Variants in GAP43 observed in about 807,000 individuals in gnomAD.
GAP43 encodes growth associated protein 43, also known as neuromodulin.
In GAP43, 6 loss-of-function variants were observed where a neutral mutation model predicts 18.6. The observed-to-expected ratio is 0.32, with a 90% CI of 0.18 to 0.64. The LOEUF is 0.64. Ranked by LOEUF, GAP43 falls within the 30% of genes least tolerant of loss-of-function variation. GAP43 has a pLI of 0.78. For missense variants in GAP43, 292 were observed against 295.5 expected, an observed-to-expected ratio of 0.99 and a Z score of 0.09; for synonymous variants, 115 against 111.4, an observed-to-expected ratio of 1.03 and a Z score of -0.20.
rs982853473 is a variant in GAP43 at position 115,634,766 on chromosome 3, T to C, written c.30+11047T>C. Among the ~76,000 whole-genome samples the C allele has an allele frequency of 2.0e-5, 3 of 151,954 alleles. No homozygotes were observed. In the South Asian group the frequency reaches 6.2e-4, roughly 32 times the overall value. ...GCCTGGGTGACAGAGCGAGACTCTG[T>C]CTCAAAATAAATAAATAAATAAATA... On this transcript the variant is annotated intron_variant, in intron 1 of 2. Transcript: ENST00000305124.
intron 1 of GAP43, among the ~76,000 whole-genome samples, chr3:115,641,258 T>A (rs1430451014): frequency 6.6e-6 from 1 of 151,774 alleles, no homozygotes; most frequent in Non-Finnish European, 1.5e-5. Flanking sequence ...TTTTAAACAT[T>A]TCCTCATTCC....
intron 1 of GAP43, among the ~76,000 whole-genome samples, chr3:115,629,502 C>T (rs185511684): frequency 2.0e-5 from 3 of 151,706 alleles, no homozygotes; most frequent in African/African-American, 4.8e-5. Flanking sequence ...ACCCTTCCCT[C>T]TCAGCCTGAA....
chr3:115,631,311 G>C (rs1421574548), intron 1 of GAP43, among the ~76,000 whole-genome samples: 1 of 152,080 alleles, frequency 6.6e-6, no homozygotes, highest in Non-Finnish European at 1.5e-5. Context: ...ATGTGATGTT[G>C]GGTAAGTAAT....
intron 1 of GAP43, among the ~76,000 whole-genome samples, chr3:115,635,058 T>G (rs541195235): frequency 6.6e-6 from 1 of 152,224 alleles, no homozygotes; most frequent in Admixed American, 6.5e-5. Flanking sequence ...AAACACCAAT[T>G]CTTTCTTTAG....
At chr3:115,649,728 C>CTACTCAG (rs1559791928) in intron 1 of GAP43, among the ~76,000 whole-genome samples, 2 of 150,512 alleles carry the variant, frequency 1.3e-5, no homozygotes, top group African/African-American at 4.9e-5. Context: ...TTAATCCCAG[C>CTACTCAG]TACTCAGTAG....
chr3:115,635,921 C>A (rs1295598876), intron 1 of GAP43, among the ~76,000 whole-genome samples: 1 of 152,068 alleles, frequency 6.6e-6, no homozygotes, highest in African/African-American at 2.4e-5. Context: ...GGTTTTCCTG[C>A]AAGCTTCTAC....
At chr3:115,642,135 A>T (rs1004010611) in intron 1 of GAP43, among the ~76,000 whole-genome samples, 2 of 152,110 alleles carry the variant, frequency 1.3e-5, no homozygotes, top group African/African-American at 4.8e-5. Context: ...TTCTAGATGT[A>T]TATATGCCTA....
chr3:115,693,741 CAT>C (rs1184312834), intron 2 of GAP43, among the ~76,000 whole-genome samples: 1 of 121,426 alleles, frequency 8.2e-6, no homozygotes, highest in Non-Finnish European at 1.6e-5. Context: ...TGTGAAGTCT[CAT>C]GTGTGCAAAT....
At chr3:115,711,233 T>G (rs1413662458) in intron 2 of GAP43, among the ~76,000 whole-genome samples, 2 of 151,988 alleles carry the variant, frequency 1.3e-5, no homozygotes, top group Non-Finnish European at 2.9e-5. Context: ...CGGTCATATG[T>G]GTGTGTGTGT....
Position 115,676,591 on chromosome 3 carries a change from C to A in GAP43, c.609C>A (p.Ser203Arg). The A allele has an allele frequency of 6.2e-7, 1 of 1,604,578 alleles. No individual in the cohort carries two copies. The highest frequency in any genetic ancestry group is 8.5e-7 in the Non-Finnish European group (1 of 1,177,436). The change falls in exon 2 of 3, where the codon AGC becomes AGA. Residue 203 changes from serine (S) to arginine (R), a missense_variant. Coordinates refer to ENST00000305124, the MANE Select transcript of GAP43 (RefSeq NM_002045.4). ...CTCCAACGGAGACTGGGGAGAGCAG[C>A]CAAGCTGAAGAGAACATAGGTGAGC... Reference protein sequence around the residue: ...AQPPTETGESSQAEENIEAVD... With the variant: ...AQPPTETGESRQAEENIEAVD...
chr3:115,650,494 C>T (rs922630870), intron 1 of GAP43, among the ~76,000 whole-genome samples: 2 of 151,976 alleles, frequency 1.3e-5, no homozygotes, highest in African/African-American at 4.8e-5. Context: ...TCTGTGAGCC[C>T]CCTTTCTTTT....
chr3:115,649,822 A>AAAG (rs1553720860), intron 1 of GAP43, among the ~76,000 whole-genome samples: 152 of 137,202 alleles, frequency 1.1e-3, no homozygotes, highest in South Asian at 2.1e-3. Context: ...AAAAAAAAAA[A>AAAG]AAAGAAAGAA....
intron 1 of GAP43, among the ~76,000 whole-genome samples, chr3:115,632,476 G>A (rs938526993): frequency 2.6e-5 from 4 of 152,094 alleles, no homozygotes; most frequent in Non-Finnish European, 5.9e-5. Flanking sequence ...GAGCCCTCAA[G>A]ATCTCCACAA....
chr3:115,676,446 A>C lies in GAP43; in HGVS notation c.464A>C (p.Lys155Thr), dbSNP rs997941493. The change falls in exon 2 of 3, where the codon AAG (lysine) becomes ACG (threonine). Residue 155 changes from lysine to threonine, a missense_variant. Physicochemically the swap from Lys to Thr is moderately conservative, Grantham distance 78. Coordinates refer to ENST00000305124, the MANE Select transcript of GAP43 (RefSeq NM_002045.4). Reference sequence around the variant, plus strand: ...TCCACTGATAACTCGCCGTCCTCCAAGGCTGAAGATGCCCCAGCCAAGGAG... The same window carrying C: ...TCCACTGATAACTCGCCGTCCTCCACGGCTGAAGATGCCCCAGCCAAGGAG... ...KASTDNSPSS[K>T]AEDAPAKEEP... The C allele has an allele frequency of 7.4e-6, 12 of 1,614,064 alleles. No homozygotes were observed. The highest frequency in any genetic ancestry group is 1.7e-4 in the Middle Eastern group (1 of 6,048).
intron 1 of GAP43, among the ~76,000 whole-genome samples, chr3:115,669,044 TA>T (rs796593034): frequency 0.069 from 8,890 of 129,740 alleles, 451 homozygotes; most frequent in African/African-American, 0.16. Flanking sequence ...TGACCCTGTC[TA>T]AAAAAAAAAA....
chr3:115,683,876 A>G (rs1051040071), intron 2 of GAP43, among the ~76,000 whole-genome samples: 5 of 152,198 alleles, frequency 3.3e-5, no homozygotes, highest in African/African-American at 7.2e-5. Flanking sequence ...TTTGACCAAT[A>G]GTGAAATTAA....
chr3:115,628,497 G>A (rs1708220211), intron 1 of GAP43, among the ~76,000 whole-genome samples: 1 of 151,754 alleles, frequency 6.6e-6, no homozygotes, highest in Admixed American at 6.6e-5. Flanking sequence ...AGTTTAATTT[G>A]GCTTTGATTT....
intron 1 of GAP43, among the ~76,000 whole-genome samples, chr3:115,663,364 C>A (rs1438735776): frequency 6.6e-6 from 1 of 152,214 alleles, no homozygotes; most frequent in East Asian, 1.9e-4. Flanking sequence ...TGCTCAATCC[C>A]TTCCTTCTGA....
At chr3:115,626,591 A>G (rs1202763125) in intron 1 of GAP43, among the ~76,000 whole-genome samples, 1 of 152,186 alleles carries the variant, frequency 6.6e-6, no homozygotes, top group Non-Finnish European at 1.5e-5. Flanking sequence ...GCTTACTTTA[A>G]ATAGCTTAAT....
Sources: allele counts gnomAD v4.1 joint callset (sites outside exome capture counted in the v4.1 genomes callset), GRCh38; gene constraint gnomAD v4.1.1; transcripts MANE v1.5; gene names NCBI Gene and HGNC (gene_info 2026-07-23, HGNC 2026-07-21).